Variants in DBF4B observed in about 807,000 individuals in gnomAD.
DBF4B encodes the protein protein DBF4 homolog B.
Under a neutral mutation model 53.4 loss-of-function variants are expected in DBF4B, and 49 were observed. That is an observed-to-expected ratio of 0.92 (90% CI 0.73 to 1.16). The LOEUF (loss-of-function observed/expected upper bound fraction) is 1.16, where lower values mean the gene tolerates loss of function less well. Ranked by LOEUF, DBF4B falls within the 50% of genes most tolerant of loss-of-function variation. The pLI is 0.00. For synonymous variants in DBF4B, 257 were observed against 288.7 expected (o/e 0.89, Z 1.11); for missense variants, 692 against 775.0 (o/e 0.89, Z 1.27).
At chr17:44,720,530 A>C (rs2906783) in intron 2 of DBF4B, 1 of 183,074 alleles carries the variant, frequency 5.5e-6, no homozygotes, top group Non-Finnish European at 1.2e-5. Flanking sequence ...CTTGCCACCA[A>C]CATCAGCTTT....
chr17:44,732,408 T>A, intron 6 of DBF4B, 143 bp downstream of exon 6: 1 of 876,924 alleles, frequency 1.1e-6, no homozygotes, highest in Non-Finnish European at 1.8e-6. Context: ...TCCACAAAGG[T>A]GGGAGGATGT....
intron 10 of DBF4B, 120 bp from the exon 11 acceptor site, chr17:44,746,963 C>T (rs1277799783): frequency 1.2e-6 from 1 of 857,850 alleles, no homozygotes; most frequent in Non-Finnish European, 1.9e-6. Context: ...GGTGCCTGCA[C>T]AGCCCCTTGG....
chr17:44,741,207 T>C (rs1015848846), intron 9 of DBF4B, 129 bp from the exon 10 acceptor site: 5 of 693,370 alleles, frequency 7.2e-6, no homozygotes, highest in Admixed American at 2.3e-5. Flanking sequence ...AGTTTTGTTA[T>C]AGAATTTAAA....
rs1388817337 is a variant in DBF4B at position 44,749,672 on chromosome 17, G to A, written c.1190-923G>A. The A allele has an allele frequency of 6.0e-6, 7 of 1,166,474 alleles. No individual in the cohort carries two copies. The highest frequency in any genetic ancestry group is 1.7e-5 in the South Asian group (1 of 57,758). 72.3% of individuals were successfully genotyped at this position (1,166,474 alleles called of 1,614,324 possible). On this transcript the variant is annotated intron_variant, in intron 13 of 13. Coordinates refer to ENST00000315005, the MANE Select transcript of DBF4B (RefSeq NM_145663.3). This position sits in a 1 kb window ranked among gnomAD's most constrained non-coding sequence, Gnocchi z 4.4. The stretch of plus-strand genomic sequence containing the variant: ...TGCCCAGCTGAGGCTGGCCGCCCAC[G>A]CCAGGAGGCAGAGGCGAAGTTGGCA...
intron 12 of DBF4B, 127 bp downstream of exon 12, chr17:44,747,642 C>A: frequency 7.7e-7 from 1 of 1,297,176 alleles, no homozygotes; most frequent in Non-Finnish European, 1.0e-6. Flanking sequence ...TCTCACCTTC[C>A]TTTCCCCTTA....
At chr17:44,726,045 A>G (rs1370074142) in intron 3 of DBF4B, among the ~76,000 whole-genome samples, 1 of 150,508 alleles carries the variant, frequency 6.6e-6, no homozygotes, top group Non-Finnish European at 1.5e-5. Flanking sequence ...GCTGGAGTGC[A>G]ATGGTGCGAT....
chr17:44,746,053 CAAAAAA>C (rs61654485), intron 10 of DBF4B, among the ~76,000 whole-genome samples: 1 of 110,644 alleles, frequency 9.0e-6, no homozygotes, highest in South Asian at 3.0e-4. Context: ...ACTAAAAATA[CAAAAAA>C]AAAAAAAAAA....
chr17:44,737,349 G>A (rs1975550640), intron 8 of DBF4B, among the ~76,000 whole-genome samples: 1 of 152,108 alleles, frequency 6.6e-6, no homozygotes, highest in Admixed American at 6.6e-5. Flanking sequence ...CTCTTTCAGT[G>A]GCATTTATTC....
In DBF4B at chr17:44,751,699, C is replaced by A; in HGVS notation, c.*446C>A. On this transcript the variant is annotated 3_prime_UTR_variant, in exon 14 of 14. Transcript: ENST00000315005. Reference sequence around the variant, plus strand: ...TCCTTCCTGCGGTCTATACCTACCGCCTCCTCTTCACCTCCTTCCCTTCCA... The same window carrying A: ...TCCTTCCTGCGGTCTATACCTACCGACTCCTCTTCACCTCCTTCCCTTCCA... The A allele has an allele frequency of 7.0e-7, 1 of 1,429,090 alleles. No homozygotes were observed. Among genetic ancestry groups the A allele is most frequent in the Non-Finnish European group, 9.1e-7 (1 of 1,094,028 alleles). The allele number at this position is 1,429,090 out of a possible 1,614,324, so 88.5% of individuals were successfully genotyped here.
At chr17:44,722,321 G>C (rs1397573820) in intron 2 of DBF4B, among the ~76,000 whole-genome samples, 1 of 152,122 alleles carries the variant, frequency 6.6e-6, no homozygotes, top group African/African-American at 2.4e-5. Flanking sequence ...CAGAGGTTGG[G>C]AAGTAGGCCC....
At chr17:44,721,635 A>G (rs1973856485) in intron 2 of DBF4B, among the ~76,000 whole-genome samples, 1 of 152,026 alleles carries the variant, frequency 6.6e-6, no homozygotes, top group Non-Finnish European at 1.5e-5. Flanking sequence ...GTTCATTATT[A>G]TGACAGATAG....
chr17:44,722,477 G>A (rs1321335593), intron 2 of DBF4B, among the ~76,000 whole-genome samples: 1 of 152,172 alleles, frequency 6.6e-6, no homozygotes, highest in East Asian at 1.9e-4. Context: ...AACAGGGCAG[G>A]CAGTGACTCA....
chr17:44,720,424 G>T, intron 2 of DBF4B: 1 of 233,016 alleles, frequency 4.3e-6, no homozygotes, highest in South Asian at 7.0e-5. Flanking sequence ...ATAGCAGATC[G>T]GGAATATCTG....
At chr17:44,724,125 C>T (rs558500175) in intron 3 of DBF4B, among the ~76,000 whole-genome samples, 27 of 152,042 alleles carry the variant, frequency 1.8e-4, no homozygotes, top group African/African-American at 2.7e-4. Flanking sequence ...AGGCTGGGTG[C>T]GGTGGCTCAC....
intron 2 of DBF4B, among the ~76,000 whole-genome samples, chr17:44,722,004 C>A (rs1388787562): frequency 6.6e-6 from 1 of 151,980 alleles, no homozygotes; most frequent in Non-Finnish European, 1.5e-5. Context: ...CATGGTGGTG[C>A]ATGCCTGTAA....
At chr17:44,725,653 G>A (rs1478673673) in intron 3 of DBF4B, among the ~76,000 whole-genome samples, 25 of 127,642 alleles carry the variant, frequency 2.0e-4, no homozygotes, top group Admixed American at 1.9e-3. Flanking sequence ...TCTACCTTCT[G>A]CCTCCATCCT....
chr17:44,747,332 C>T (rs1046188792), intron 11 of DBF4B, 59 bp from the exon 12 acceptor site: 77 of 1,606,686 alleles, frequency 4.8e-5, no homozygotes, highest in African/African-American at 4.0e-4. Context: ...GGTCAGCTTC[C>T]GTGTCCCCCT....
intron 7 of DBF4B, 110 bp from the exon 8 acceptor site, chr17:44,736,720 A>T: frequency 8.1e-7 from 1 of 1,233,924 alleles, no homozygotes; most frequent in Non-Finnish European, 1.2e-6. Flanking sequence ...AGGCCTCTCA[A>T]CAGCAGGAAG....
At chr17:44,738,671 G>A (rs989176214) in intron 9 of DBF4B, among the ~76,000 whole-genome samples, 3 of 152,204 alleles carry the variant, frequency 2.0e-5, no homozygotes, top group Non-Finnish European at 4.4e-5. Flanking sequence ...TAATGATCCT[G>A]TGTGTGAATT....
Sources: gnomAD v4.1 joint callset for allele counts (sites outside exome capture counted in the v4.1 genomes callset) on GRCh38, gnomAD v4.1.1 for gene constraint, Gnocchi (gnomAD v3.1) non-coding constraint, MANE v1.5 for transcripts, NCBI Gene and HGNC (gene_info 2026-07-23, HGNC 2026-07-21) for gene names.